Variants in RPS6KC1 observed in about 807,000 individuals in gnomAD.
The protein encoded by RPS6KC1 is ribosomal protein S6 kinase C1.
Under a neutral mutation model 103.8 loss-of-function variants are expected in RPS6KC1, and 54 were observed. The observed-to-expected ratio is 0.52, with a 90% CI of 0.42 to 0.65. The LOEUF is 0.65. Among genes scored for constraint, RPS6KC1 ranks in the 30% least tolerant of loss-of-function variants. RPS6KC1 has a pLI of 0.00. For synonymous variants in RPS6KC1, 439 were observed against 438.7 expected (o/e 1.00, Z -0.01); for missense variants, 1,151 against 1,253.8 (o/e 0.92, Z 1.24).
chr1:213,515,839 A>T, the RPS6KC1 span, among the ~76,000 whole-genome samples: 1 of 152,026 alleles, frequency 6.6e-6, no homozygotes, highest in Non-Finnish European at 1.5e-5. Context: ...CATTTTCGCG[A>T]TATTGATTCT....
intron 7 of RPS6KC1, among the ~76,000 whole-genome samples, chr1:213,168,806 T>C (rs1177989907): frequency 1.3e-5 from 2 of 152,028 alleles, no homozygotes; most frequent in African/African-American, 2.4e-5. Flanking sequence ...GTATTTTTAG[T>C]AGAGACAGGG....
the RPS6KC1 span, among the ~76,000 whole-genome samples, chr1:213,463,767 T>C: frequency 6.6e-6 from 1 of 152,190 alleles, no homozygotes; most frequent in Admixed American, 6.5e-5. Flanking sequence ...CCACTTGAAT[T>C]CAATCACTCT....
At chr1:213,300,671 C>T in the RPS6KC1 span, among the ~76,000 whole-genome samples, 31 of 152,306 alleles carry the variant, frequency 2.0e-4, 1 homozygote, top group East Asian at 4.8e-3. Context: ...TGGGAACTCA[C>T]CACAGGTCAG....
chr1:213,275,970 C>G (rs892664133), downstream of RPS6KC1, among the ~76,000 whole-genome samples: 2 of 152,206 alleles, frequency 1.3e-5, no homozygotes, highest in African/African-American at 2.4e-5. Flanking sequence ...GTCTTTTAAA[C>G]AGCTGCAATA....
intron 8 of RPS6KC1, among the ~76,000 whole-genome samples, chr1:213,186,206 AC>A (rs961504526): frequency 4.6e-5 from 7 of 150,538 alleles, no homozygotes; most frequent in African/African-American, 1.7e-4. Flanking sequence ...TTTTTTTTAA[AC>A]CTTTTTTTTT....
intron 14 of RPS6KC1, among the ~76,000 whole-genome samples, chr1:213,265,689 C>A (rs4256785): frequency 0.98 from 149,435 of 152,330 alleles, 73,366 homozygotes; most frequent in East Asian, 1. Context: ...TAGGTTTAAT[C>A]AACAGTGTAG....
At chr1:213,771,191 T>G in the RPS6KC1 span, among the ~76,000 whole-genome samples, 5 of 152,222 alleles carry the variant, frequency 3.3e-5, no homozygotes, top group African/African-American at 9.6e-5. Flanking sequence ...GTTCCTGGGA[T>G]TCCTGTGAAT....
intron 7 of RPS6KC1, among the ~76,000 whole-genome samples, chr1:213,173,542 T>C (rs1373273863): frequency 1.3e-5 from 2 of 152,252 alleles, no homozygotes; most frequent in East Asian, 3.8e-4. Flanking sequence ...TTTGAACAAC[T>C]TTTCCCCAAC....
chr1:213,326,918 A>G, the RPS6KC1 span, among the ~76,000 whole-genome samples: 18 of 152,168 alleles, frequency 1.2e-4, no homozygotes, highest in Admixed American at 1.0e-3. Flanking sequence ...AGGTTTTACC[A>G]TTTATTTGAT....
At chr1:213,322,307 T>A in the RPS6KC1 span, among the ~76,000 whole-genome samples, 3 of 151,760 alleles carry the variant, frequency 2.0e-5, no homozygotes, top group African/African-American at 7.3e-5. Flanking sequence ...AGAAAAAAAA[T>A]TATGAGGGCT....
intron 6 of RPS6KC1, among the ~76,000 whole-genome samples, chr1:213,156,259 A>C (rs1361647243): frequency 1.3e-5 from 2 of 152,216 alleles, no homozygotes; most frequent in Non-Finnish European, 1.5e-5. Flanking sequence ...ATTTTCCAGA[A>C]GGAAAGATTA....
chr1:213,657,986 G>A, the RPS6KC1 span, among the ~76,000 whole-genome samples: 2 of 152,214 alleles, frequency 1.3e-5, no homozygotes, highest in Non-Finnish European at 2.9e-5. Context: ...CACATACTGA[G>A]GTACTGTGAG....
At chr1:213,056,887 T>A (rs2077373958) in intron 1 of RPS6KC1, among the ~76,000 whole-genome samples, 1 of 150,860 alleles carries the variant, frequency 6.6e-6, no homozygotes, top group Non-Finnish European at 1.5e-5. Context: ...TTGCTCTCTA[T>A]ATGTCTTGTA....
chr1:213,064,511 G>A (rs2078127459), intron 1 of RPS6KC1, among the ~76,000 whole-genome samples: 1 of 151,350 alleles, frequency 6.6e-6, no homozygotes, highest in Non-Finnish European at 1.5e-5. Context: ...GGGATTATAG[G>A]TGGATGCCAC....
At chr1:213,638,883 G>A in the RPS6KC1 span, among the ~76,000 whole-genome samples, 1 of 151,896 alleles carries the variant, frequency 6.6e-6, no homozygotes, top group South Asian at 2.1e-4. Flanking sequence ...ACCAATTTCT[G>A]CAAAAAAGGC....
the RPS6KC1 span, among the ~76,000 whole-genome samples, chr1:213,783,216 C>T: frequency 6.6e-6 from 1 of 152,320 alleles, no homozygotes; most frequent in African/African-American, 2.4e-5. Context: ...TACAAGCAAC[C>T]TTGCCAAAGG....
At chr1:213,349,638 T>G in the RPS6KC1 span, among the ~76,000 whole-genome samples, 1 of 152,208 alleles carries the variant, frequency 6.6e-6, no homozygotes. Context: ...TCGTAGTTAC[T>G]TCTTGTTTGA....
intron 12 of RPS6KC1, among the ~76,000 whole-genome samples, chr1:213,251,688 T>G (rs909615358): frequency 6.6e-6 from 1 of 152,216 alleles, no homozygotes; most frequent in African/African-American, 2.4e-5. Flanking sequence ...GATGTAGATC[T>G]GCATGCTCAA....
At chr1:213,813,763 C>T in the RPS6KC1 span, among the ~76,000 whole-genome samples, 1 of 152,262 alleles carries the variant, frequency 6.6e-6, no homozygotes, top group East Asian at 1.9e-4. Context: ...GAGCAGGGAC[C>T]TAATCTCTAC....
Sources: gnomAD v4.1 joint callset for allele counts (sites outside exome capture counted in the v4.1 genomes callset) on GRCh38, gnomAD v4.1.1 for gene constraint, MANE v1.5 for transcripts, NCBI Gene and HGNC (gene_info 2026-07-23, HGNC 2026-07-21) for gene names.